The following TUFT1 variants were observed in gnomAD, a reference collection of about 807,000 sequenced individuals.
TUFT1 encodes the protein tuftelin.
A neutral mutation model predicts 57.8 loss-of-function variants in TUFT1; 43 were observed. The observed-to-expected ratio is 0.74, with a 90% confidence interval of 0.58 to 0.96. The LOEUF (loss-of-function observed/expected upper bound fraction) is 0.96, where lower values mean the gene tolerates loss of function less well. TUFT1 is among the 40% of genes least tolerant of loss of function. TUFT1 has a pLI of 0.00. For synonymous variants in TUFT1, 166 were observed against 176.7 expected (o/e 0.94, Z 0.48); for missense variants, 459 against 489.0 (o/e 0.94, Z 0.58).
At chr1:151,543,159 C>T (rs1416222682) in intron 1 of TUFT1, among the ~76,000 whole-genome samples, 1 of 152,092 alleles carries the variant, frequency 6.6e-6, no homozygotes, top group Admixed American at 6.5e-5. Context: ...GCAGATGCAG[C>T]AGGTACAAGG....
chr1:151,543,800 C>CA (rs1335665232), intron 1 of TUFT1, among the ~76,000 whole-genome samples: 2 of 133,224 alleles, frequency 1.5e-5, no homozygotes, highest in African/African-American at 5.6e-5. Context: ...GACTGATAGG[C>CA]CCCCCCCAGA....
intron 6 of TUFT1, 45 bp from the exon 7 acceptor site, chr1:151,569,612 C>G (rs2102546781): frequency 3.2e-6 from 5 of 1,543,830 alleles, no homozygotes; most frequent in Non-Finnish European, 4.5e-6. Context: ...CTTACTGAGT[C>G]AGAAACTTGA....
intron 5 of TUFT1, chr1:151,564,827 T>G: frequency 2.2e-6 from 1 of 452,040 alleles, no homozygotes; most frequent in South Asian, 3.6e-5. Context: ...AGCTTAAACA[T>G]AAGTACACCT....
chr1:151,560,136 G>T (rs1220656205), intron 1 of TUFT1, among the ~76,000 whole-genome samples: 1 of 150,072 alleles, frequency 6.7e-6, no homozygotes, highest in East Asian at 2.0e-4. Flanking sequence ...CTCAGTTGGG[G>T]GCCGGGTGCG....
Position 151,562,644 on chromosome 1 carries a change from A to G in TUFT1, c.195A>G (p.Ser65=), listed in dbSNP as rs1665934115. ...ACTCAGCTGGTCATTCTCTGGCTTC[A>G]GAACTGGTGGAGTCCCATGATGGAC... is the stretch of plus-strand genomic sequence containing the variant. The part of the protein sequence containing the change: ...SSHSAGHSLA[S]ELVESHDGHE... The change falls in exon 3 of 13, where the codon TCA becomes TCG. Residue 65 remains serine, a synonymous_variant. Transcript: ENST00000368849. 6.2e-7 allele frequency: 1 copy of G among 1,613,332 alleles called. No homozygotes were observed. The highest frequency in any genetic ancestry group is 8.5e-7 in the Non-Finnish European group (1 of 1,180,012).
At chr1:151,555,634 G>A (rs552460425) in intron 1 of TUFT1, among the ~76,000 whole-genome samples, 52 of 151,580 alleles carry the variant, frequency 3.4e-4, no homozygotes, top group African/African-American at 9.7e-4. Context: ...AAAATTAGCC[G>A]GACGTTGTGG....
In TUFT1 at chr1:151,565,328, G is replaced by A. The variant is rs190758679; in HGVS notation, c.414+714G>A. On this transcript the variant is annotated intron_variant, in intron 5 of 12. Transcript: ENST00000368849. ...AGCAGAGCTGTCTCTTTGTGACTTC[G>A]CCCTCATCCTTTAGATTCTGAGTTG... is the stretch of plus-strand genomic sequence containing the variant. 6.9e-4 allele frequency among the ~76,000 whole-genome samples: 105 copies of A among 152,332 alleles called. 2 individuals are homozygous for A. The East Asian group carries it at 0.014, about 21-fold the overall frequency.
rs1377543817 is a variant in TUFT1, at chr1:151,566,169, C to G, written c.421C>G (p.Leu141Val). ...TTTATTTTTCTTTGAACAGGTGGTGCTAGAAAAGCCAAATGGCTTTAGTCA... is the reference window on the plus strand; with the variant it reads ...TTTATTTTTCTTTGAACAGGTGGTGGTAGAAAAGCCAAATGGCTTTAGTCA... ...SLHRQEIQVV[L>V]EKPNGFSQSP... Residue 141 changes from leucine to valine, a missense_variant, in exon 6 of 13, where the codon CTA becomes GTA. Leu to Val is a conservative substitution (Grantham distance 32). Coordinates refer to ENST00000368849, the MANE Select transcript of TUFT1 (RefSeq NM_020127.3). 2 of 1,609,368 alleles carry G rather than the reference C, an allele frequency of 1.2e-6. No individual in the cohort carries two copies. Among genetic ancestry groups the G allele is most frequent in the African/African-American group, 1.3e-5 (1 of 74,800 alleles).
At chr1:151,570,311 T>C (rs1376608612) in intron 7 of TUFT1, among the ~76,000 whole-genome samples, 1 of 152,202 alleles carries the variant, frequency 6.6e-6, no homozygotes, top group Non-Finnish European at 1.5e-5. Context: ...GTATCTTTTT[T>C]TCACTCTGCT....
In TUFT1 at chr1:151,574,408, G is replaced by C; in HGVS notation, c.723+10G>C. On this transcript the variant is annotated intron_variant, in intron 8 of 12. Coordinates refer to ENST00000368849, the MANE Select transcript of TUFT1 (RefSeq NM_020127.3). ...GCTAGGGATGGAGACGGTAACCGGG[G>C]GATCTTGCTTGTCAGTGCCTGGACT... 1 of 1,613,766 alleles carries C rather than the reference G, an allele frequency of 6.2e-7. No individual in the cohort carries two copies. The highest frequency in any genetic ancestry group is 8.5e-7 in the Non-Finnish European group (1 of 1,179,862).
At chr1:151,573,796 G>C (rs1027869526) in intron 7 of TUFT1, among the ~76,000 whole-genome samples, 20 of 152,324 alleles carry the variant, frequency 1.3e-4, no homozygotes, top group African/African-American at 4.8e-4. Flanking sequence ...CTGATGCTTA[G>C]TAGCCCTTCC....
Position 151,560,999 on chromosome 1 carries a change from T to A in TUFT1, c.61-1092T>A, listed in dbSNP as rs1452732474. ...GTGTGTGTGTGTGTGTGTGTGTGTGTGTGTGAGTGTTTGAGACGGAGTCTT... is the reference window on the plus strand; with the variant it reads ...GTGTGTGTGTGTGTGTGTGTGTGTGAGTGTGAGTGTTTGAGACGGAGTCTT... On this transcript the variant is annotated intron_variant, in intron 1 of 12. Coordinates refer to ENST00000368849, the MANE Select transcript of TUFT1 (RefSeq NM_020127.3). Among the ~76,000 whole-genome samples the A allele has an allele frequency of 4.2e-5, 6 of 142,822 alleles. No individual in the cohort carries two copies. The South Asian group carries it at 1.5e-3, about 35-fold the overall frequency. The allele number at this position is 142,822 out of a possible 152,430, so 93.7% of individuals were successfully genotyped here. A position where few individuals can be genotyped will look rare whatever the true frequency, so the allele number is the denominator to read the frequency against.
intron 1 of TUFT1, 60 bp downstream of exon 1, chr1:151,540,486 C>T (rs373525376): frequency 6.3e-7 from 1 of 1,594,196 alleles, no homozygotes; most frequent in Non-Finnish European, 8.6e-7. Flanking sequence ...TAAGTCCGCC[C>T]CTTCCGTGCC....
Position 151,581,391 on chromosome 1 carries a change from T to C in TUFT1, c.1110-253T>C, listed in dbSNP as rs569240469. 4.6e-5 allele frequency among the ~76,000 whole-genome samples: 7 copies of C among 152,342 alleles called. 1 individual carries two copies. In the South Asian group the frequency reaches 1.4e-3, roughly 32 times the overall value. On this transcript the variant is annotated intron_variant, in intron 12 of 12. Coordinates refer to ENST00000368849, the MANE Select transcript of TUFT1 (RefSeq NM_020127.3). ...TTGACAAAATCGAGAATCACAGCTA[T>C]ATCCACTTCTCAGTTGTTTAACTGC...
In TUFT1 at chr1:151,578,787, C is replaced by A; in HGVS notation, c.885C>A (p.Leu295=). The change falls in exon 10 of 13, where the codon CTC becomes CTA. Residue 295 remains leucine (L), a synonymous_variant. Transcript: ENST00000368849. ...REKIHHLDDM[L]KSQQRKVRQM... ...AGATCCACCACTTGGATGACATGCT[C>A]AAGAGCCAGCAGCGGAAAGTCCGGC... 6.3e-7 allele frequency: 1 copy of A among 1,582,860 alleles called. No homozygotes were observed. Among genetic ancestry groups the A allele is most frequent in the South Asian group, 1.2e-5 (1 of 86,742 alleles).
chr1:151,554,695 C>CTTTTTTTTTTTTTTT (rs771656418), intron 1 of TUFT1, among the ~76,000 whole-genome samples: 1 of 85,652 alleles, frequency 1.2e-5, no homozygotes, highest in Non-Finnish European at 2.2e-5. Context: ...GCCCGGCCCC[C>CTTTTTTTTTTTTTTT]TTTTTTTTTT....
intron 1 of TUFT1, among the ~76,000 whole-genome samples, chr1:151,541,322 A>C (rs1665159135): frequency 6.6e-6 from 1 of 152,132 alleles, no homozygotes; most frequent in Non-Finnish European, 1.5e-5. Flanking sequence ...TCCCAGTCCC[A>C]GTTCTCCCCA....
At chr1:151,554,961 C>T (rs1335413781) in intron 1 of TUFT1, among the ~76,000 whole-genome samples, 1 of 148,862 alleles carries the variant, frequency 6.7e-6, no homozygotes, top group Non-Finnish European at 1.5e-5. Context: ...ACCTCGGCCT[C>T]CCAAAGTGCT....
At chr1:151,543,627 A>G (rs1234534679) in intron 1 of TUFT1, among the ~76,000 whole-genome samples, 1 of 152,178 alleles carries the variant, frequency 6.6e-6, no homozygotes, top group Admixed American at 6.5e-5. Flanking sequence ...AGCCCTAACC[A>G]AGGATGTTCT....
Sources: gnomAD v4.1 joint callset for allele counts (sites outside exome capture counted in the v4.1 genomes callset) on GRCh38, gnomAD v4.1.1 for gene constraint, MANE v1.5 for transcripts, NCBI Gene and HGNC (gene_info 2026-07-23, HGNC 2026-07-21) for gene names.